The following PIKFYVE variants were observed in gnomAD, a reference collection of about 807,000 sequenced individuals.
The protein encoded by PIKFYVE is 1-phosphatidylinositol 3-phosphate 5-kinase.
A neutral mutation model predicts 257.9 loss-of-function variants in PIKFYVE; 122 were observed. The observed-to-expected ratio is 0.47, with a 90% CI of 0.41 to 0.55. The LOEUF is 0.55. Among genes scored for constraint, PIKFYVE ranks in the 20% least tolerant of loss-of-function variants. The probability of loss-of-function intolerance (pLI) is 0.00; values close to 1 mark genes in which losing one functional copy is unlikely to be tolerated. For synonymous variants in PIKFYVE, 892 were observed against 868.9 expected, an observed-to-expected ratio of 1.03 and a Z score of -0.47; for missense variants, 2,160 against 2,536.6, an observed-to-expected ratio of 0.85 and a Z score of 3.19.
At chr2:208,292,611 GCT>G (rs1427453041) in intron 7 of PIKFYVE, among the ~76,000 whole-genome samples, 1 of 151,600 alleles carries the variant, frequency 6.6e-6, no homozygotes, top group Non-Finnish European at 1.5e-5. Context: ...AGTTACTCCT[GCT>G]CTTTTTTTTA....
chr2:208,314,514 G>T, intron 14 of PIKFYVE, 91 bp downstream of exon 14: 1 of 1,389,390 alleles, frequency 7.2e-7, no homozygotes, highest in Non-Finnish European at 9.9e-7. Flanking sequence ...TAAAAAGGGA[G>T]GTCTTTTTCT....
intron 12 of PIKFYVE, chr2:208,305,392 C>T (rs1267434078): frequency 1.0e-5 from 11 of 1,097,434 alleles, no homozygotes; most frequent in East Asian, 6.6e-5. Flanking sequence ...TTGCCTTTGC[C>T]GTTACCCAGT....
chr2:208,280,529 T>C (rs1244382926), intron 5 of PIKFYVE, among the ~76,000 whole-genome samples: 3 of 152,218 alleles, frequency 2.0e-5, no homozygotes, highest in African/African-American at 7.2e-5. Context: ...GATCATTTCC[T>C]TCTCCTCAGT....
intron 1 of PIKFYVE, among the ~76,000 whole-genome samples, chr2:208,270,968 G>A (rs1215447983): frequency 2.0e-5 from 3 of 151,652 alleles, no homozygotes; most frequent in African/African-American, 7.3e-5. Context: ...CCTGGGAGGT[G>A]GAGGTTGCAG....
chr2:208,325,846 T>G lies in PIKFYVE; in HGVS notation c.3035T>G (p.Ile1012Arg). ...GTGCTGCAGGATCCCAAAAGCCAGA[T>G]AAGAGCCTTTAGAGACCCTCTACAG... is the stretch of plus-strand genomic sequence containing the variant. Reference protein sequence around the residue: ...TVVLQDPKSQIRAFRDPLQDD... With the variant: ...TVVLQDPKSQRRAFRDPLQDD... Residue 1012 changes from isoleucine (I) to arginine (R), a missense_variant, in exon 20 of 42, where the codon ATA (isoleucine) becomes AGA (arginine). Physicochemically the swap from Ile to Arg is moderately conservative, Grantham distance 97. This residue lies in a region of PIKFYVE where 522 missense variants were observed against 514.6 expected (regional missense o/e 1.01). Coordinates refer to ENST00000264380, the MANE Select transcript of PIKFYVE (RefSeq NM_015040.4). 1 of 1,614,104 alleles carries G rather than the reference T, an allele frequency of 6.2e-7. No homozygotes were observed. Among genetic ancestry groups the G allele is most frequent in the South Asian group, 1.1e-5 (1 of 91,078 alleles).
chr2:208,325,799 A>G lies in PIKFYVE; in HGVS notation c.2988A>G (p.Pro996=), dbSNP rs1696862371. The G allele has an allele frequency of 1.9e-6, 3 of 1,614,024 alleles. No individual in the cohort carries two copies. The highest frequency in any genetic ancestry group is 1.6e-4 in the Middle Eastern group (1 of 6,084). Residue 996 remains proline, a synonymous_variant, in exon 20 of 42, where the codon CCA becomes CCG. Transcript: ENST00000264380. ...DQQDALGSEQ[P]ETLQQTVVLQ... Reference sequence around the variant, plus strand: ...AAGATGCTTTAGGCAGCGAGCAGCCAGAGACTTTGCAGCAAACAGTTGTGC... The same window carrying G: ...AAGATGCTTTAGGCAGCGAGCAGCCGGAGACTTTGCAGCAAACAGTTGTGC...
chr2:208,358,608 ATGTAT>A lies in PIKFYVE; in HGVS notation c.*3309_*3313del, dbSNP rs71968755. On this transcript the variant is annotated 3_prime_UTR_variant, in exon 42 of 42. Coordinates refer to ENST00000264380, the MANE Select transcript of PIKFYVE (RefSeq NM_015040.4). ...AATGCCACTATATTGAAAGTACTTAATGTATTGTATATATTTCTCTACTTTGGTTC... is the reference window on the plus strand; with the variant it reads ...AATGCCACTATATTGAAAGTACTTAATGTATATATTTCTCTACTTTGGTTC... 0.098 allele frequency: 14,968 copies of A among 152,564 alleles called. 794 individuals carry two copies. Among genetic ancestry groups the A allele is most frequent in the Non-Finnish European group, 0.12 (7,835 of 67,968 alleles). The allele number at this position is 152,564 out of a possible 1,614,324, so 9.5% of individuals were successfully genotyped here.
At chr2:208,315,945 T>C (rs1384848453) in intron 15 of PIKFYVE, among the ~76,000 whole-genome samples, 1 of 151,264 alleles carries the variant, frequency 6.6e-6, no homozygotes, top group Non-Finnish European at 1.5e-5. Context: ...TACATATGTA[T>C]ACATGTGCCA....
Position 208,298,882 on chromosome 2 carries a change from G to C in PIKFYVE, c.1050+103G>C, listed in dbSNP as rs976991588. The C allele has an allele frequency of 6.2e-6, 9 of 1,448,364 alleles. No homozygotes were observed. The African/African-American group carries it at 9.9e-5, about 16-fold the overall frequency. The allele number at this position is 1,448,364 out of a possible 1,614,324, so 89.7% of individuals were successfully genotyped here. A position where few individuals can be genotyped will look rare whatever the true frequency, so the allele number is the denominator to read the frequency against. On this transcript the variant is annotated intron_variant, in intron 8 of 41. Transcript: ENST00000264380. ...TTTTGAGACACGGTCTTGGTGTGCT[G>C]CCCAGGCTGGGGTGCAGTGGTGTGA...
chr2:208,314,789 C>T (rs947546925), intron 14 of PIKFYVE, among the ~76,000 whole-genome samples: 2 of 152,008 alleles, frequency 1.3e-5, no homozygotes, highest in Admixed American at 6.6e-5. Flanking sequence ...CCCAACTACT[C>T]AGAGGCTGAG....
At chr2:208,284,149 GA>G (rs1237125212) in intron 5 of PIKFYVE, among the ~76,000 whole-genome samples, 5 of 151,380 alleles carry the variant, frequency 3.3e-5, no homozygotes, top group Non-Finnish European at 7.4e-5. Context: ...CAATGTTATA[GA>G]AAAATAGAGT....
chr2:208,278,780 TACC>T (rs1233263934), intron 5 of PIKFYVE, among the ~76,000 whole-genome samples: 2 of 152,236 alleles, frequency 1.3e-5, no homozygotes, highest in Non-Finnish European at 2.9e-5. Context: ...GGTGTATATG[TACC>T]ACATTTTCTT....
At chr2:208,318,727 G>T (rs1311745867) in intron 16 of PIKFYVE, among the ~76,000 whole-genome samples, 3 of 152,134 alleles carry the variant, frequency 2.0e-5, no homozygotes, top group Non-Finnish European at 4.4e-5. Flanking sequence ...GGCCGAGGCT[G>T]GCAGATCACG....
rs1690300692 is a variant in PIKFYVE, at chr2:208,277,801, G to A, written c.613+93G>A. The A allele has an allele frequency of 3.5e-6, 5 of 1,413,410 alleles. No homozygotes were observed. The South Asian group carries it at 5.9e-5, about 17-fold the overall frequency. 87.6% of individuals were successfully genotyped at this position (1,413,410 alleles called of 1,614,324 possible). ...ATAGTGTTAAGCCAATTTTCATTTT[G>A]GGTTTTATGTGTAAGACATGGGGAC... is the stretch of plus-strand genomic sequence containing the variant. On this transcript the variant is annotated intron_variant, in intron 5 of 41. Coordinates refer to ENST00000264380, the MANE Select transcript of PIKFYVE (RefSeq NM_015040.4).
At chr2:208,312,523 A>G (rs1447237318) in intron 13 of PIKFYVE, among the ~76,000 whole-genome samples, 1 of 152,216 alleles carries the variant, frequency 6.6e-6, no homozygotes, top group Admixed American at 6.5e-5. Context: ...TGTGAAAAGT[A>G]ATTGTTTAAA....
In PIKFYVE at chr2:208,330,705, C is replaced by A. The variant is rs370165123; in HGVS notation, c.3963+11C>A. ...AGAATCTGCAAACAGGTAAATAGAC[C>A]CTATTACTATATTTTGTTTGCCATT... On this transcript the variant is annotated intron_variant, in intron 23 of 41. Transcript: ENST00000264380. 2.3e-5 allele frequency: 37 copies of A among 1,608,788 alleles called. No individual in the cohort carries two copies. In the African/African-American group the frequency reaches 4.7e-4, roughly 20 times the overall value.
intron 12 of PIKFYVE, among the ~76,000 whole-genome samples, chr2:208,306,568 G>A (rs1694336427): frequency 6.6e-6 from 1 of 152,146 alleles, no homozygotes; most frequent in Admixed American, 6.5e-5. Context: ...CATAGAATTT[G>A]TAATAGGGAA....
Position 208,300,975 on chromosome 2 carries a change from C to G in PIKFYVE, c.1089C>G (p.Cys363Trp), listed in dbSNP as rs1185521119. The G allele has an allele frequency of 1.7e-5, 27 of 1,614,044 alleles. No individual in the cohort carries two copies. Among genetic ancestry groups the G allele is most frequent in the Non-Finnish European group, 2.2e-5 (26 of 1,179,986 alleles). ...TAAAAGACCTGTGGAAAAAAATCTGCCATCACAGCAGTGGAATGGAGTTTC... is the reference window on the plus strand; with the variant it reads ...TAAAAGACCTGTGGAAAAAAATCTGGCATCACAGCAGTGGAATGGAGTTTC... ...VQLKDLWKKI[C>W]HHSSGMEFQD... The change falls in exon 9 of 42, where the codon TGC becomes TGG. Residue 363 changes from cysteine (C) to tryptophan (W), a missense_variant. By Grantham distance (215) the Cys-to-Trp change is radical. Around this residue, in one of 12 missense-constraint regions of PIKFYVE, gnomAD observed 3 missense variants for 17.5 expected, o/e 0.17. Transcript: ENST00000264380.
chr2:208,326,866 CAT>C (rs1167891480), intron 20 of PIKFYVE, among the ~76,000 whole-genome samples: 3 of 152,006 alleles, frequency 2.0e-5, no homozygotes, highest in South Asian at 2.1e-4. Flanking sequence ...CTTTTTTTAA[CAT>C]AAAACATTTT....
Sources: allele counts gnomAD v4.1 joint callset (sites outside exome capture counted in the v4.1 genomes callset), GRCh38; gene constraint gnomAD v4.1.1; regional missense constraint gnomAD v4.1.1; transcripts MANE v1.5; gene names NCBI Gene and HGNC (gene_info 2026-07-23, HGNC 2026-07-21).